Variants in RBM24 observed in about 807,000 individuals in gnomAD.
The protein encoded by RBM24 is RNA-binding protein 24.
A neutral mutation model predicts 23.6 loss-of-function variants in RBM24; 5 were observed. That is an observed-to-expected ratio of 0.21 (90% confidence interval 0.11 to 0.45). The LOEUF (loss-of-function observed/expected upper bound fraction) is 0.45, where lower values mean the gene tolerates loss of function less well. Among genes scored for constraint, RBM24 ranks in the 20% least tolerant of loss-of-function variants. RBM24 has a pLI of 0.99. For synonymous variants in RBM24, 151 were observed against 129.5 expected (o/e 1.17, Z -1.13); for missense variants, 252 against 314.6 (o/e 0.80, Z 1.51).
intron 2 of RBM24, 88 bp downstream of exon 2, chr6:17,283,016 C>T (rs560925936): frequency 4.3e-6 from 4 of 919,950 alleles, no homozygotes; most frequent in African/African-American, 1.6e-5. Flanking sequence ...GACATTGTCT[C>T]TTTCTGTAGA....
rs748840996 is a variant in RBM24, at chr6:17,291,790, G to A, written c.382G>A (p.Val128Met). ...PAHYVYPQAFVQPGVVIPHVQ... is the reference protein window; with the variant it reads ...PAHYVYPQAFMQPGVVIPHVQ... ...CCACTATGTCTATCCGCAGGCTTTT[G>A]TGCAGCCGGGAGTGGTCATTCCACA... The change falls in exon 4 of 4, where the codon GTG (valine) becomes ATG (methionine). Residue 128 changes from valine (V) to methionine (M), a missense_variant. Transcript: ENST00000379052. The A allele has an allele frequency of 2.4e-5, 38 of 1,613,610 alleles. No homozygotes were observed. The highest frequency in any genetic ancestry group is 1.6e-4 in the Middle Eastern group (1 of 6,070).
In RBM24 at chr6:17,284,660, T is replaced by C; in HGVS notation, c.296T>C (p.Phe99Ser). ...ATGTGGTATATTTTGTTGTTAGGTT[T>C]TGCCTTTGGTGTTCAACAACTTCAT... ...GAKPRIMQPG[F>S]AFGVQQLHPA... The change falls in exon 3 of 4, where the codon TTT becomes TCT. Residue 99 changes from phenylalanine (F) to serine (S), a missense_variant. Transcript: ENST00000379052. The C allele has an allele frequency of 6.2e-7, 1 of 1,611,584 alleles. No individual in the cohort carries two copies.
At chr6:17,287,584 T>G (rs1485947097) in intron 3 of RBM24, among the ~76,000 whole-genome samples, 1 of 151,812 alleles carries the variant, frequency 6.6e-6, no homozygotes, top group African/African-American at 2.4e-5. Context: ...GGGTGGATCA[T>G]GAGGTCAGGA....
rs538999344 is a variant in RBM24, at chr6:17,292,030, A to C, written c.622A>C (p.Thr208Pro). 472 of 1,599,624 alleles carry C rather than the reference A, an allele frequency of 3.0e-4. 3 individuals carry two copies. In the South Asian group the frequency reaches 4.9e-3, roughly 17 times the overall value. The change falls in exon 4 of 4, where the codon ACA becomes CCA. Residue 208 changes from threonine to proline, a missense_variant. Thr to Pro is a conservative substitution (Grantham distance 38, BLOSUM62 -1). Coordinates refer to ENST00000379052, the MANE Select transcript of RBM24 (RefSeq NM_001143942.2). Reference protein sequence around the residue: ...QQPITAAAPGTAAAAAAAAAA... With the variant: ...QQPITAAAPGPAAAAAAAAAA... ...GCCAATCACCGCAGCGGCACCTGGGACAGCTGCCGCCGCCGCTGCAGCAGC... is the reference window on the plus strand; with the variant it reads ...GCCAATCACCGCAGCGGCACCTGGGCCAGCTGCCGCCGCCGCTGCAGCAGC...
intron 3 of RBM24, chr6:17,289,314 A>G (rs4716132): frequency 0.17 from 165,073 of 985,050 alleles, 14,526 homozygotes; most frequent in Middle Eastern, 0.25. Flanking sequence ...TAGGCTCTCC[A>G]AGGTCTTTCG....
chr6:17,282,522 G>T (rs1301778289), intron 1 of RBM24: 1 of 518,974 alleles, frequency 1.9e-6, no homozygotes, highest in African/African-American at 1.9e-5. Context: ...ATCTCGGCTA[G>T]GCCCTACTAA....
intron 2 of RBM24, 98 bp downstream of exon 2, chr6:17,283,026 A>G (rs1581428863): frequency 1.2e-6 from 1 of 840,194 alleles, no homozygotes; most frequent in East Asian, 2.6e-5. Context: ...CTTTCTGTAG[A>G]TGTGTTTAGT....
chr6:17,286,187 ATT>A (rs11437494), intron 3 of RBM24, among the ~76,000 whole-genome samples: 17 of 132,658 alleles, frequency 1.3e-4, no homozygotes, highest in Admixed American at 7.7e-5. Context: ...AACTACTACT[ATT>A]TTTTTTTTTT....
intron 2 of RBM24, among the ~76,000 whole-genome samples, chr6:17,284,032 C>T (rs574662779): frequency 2.0e-5 from 3 of 152,252 alleles, no homozygotes; most frequent in South Asian, 4.2e-4. Flanking sequence ...ATCATATACT[C>T]TTCACTCCTA....
chr6:17,282,235 T>C, intron 1 of RBM24: 1 of 1,290,932 alleles, frequency 7.7e-7, no homozygotes, highest in Non-Finnish European at 1.0e-6. Context: ...TTCTTTTAAA[T>C]CATGATCCTA....
Position 17,284,729 on chromosome 6 carries a change from G to T in RBM24, c.347+18G>T, listed in dbSNP as rs371735746. On this transcript the variant is annotated intron_variant, in intron 3 of 3. Transcript: ENST00000379052. ...CCTTTCGGGTAAGTTGATTAATCAG[G>T]CTTTCTTAAGTTTCAGTATGACTAT... 1.9e-6 allele frequency: 3 copies of T among 1,600,024 alleles called. No individual in the cohort carries two copies. Among genetic ancestry groups the T allele is most frequent in the East Asian group, 2.2e-5 (1 of 44,678 alleles).
chr6:17,281,966 G>A lies in RBM24; in HGVS notation c.168+217G>A, dbSNP rs542534651. ...AGAAGACCCAGCGCTGTGCGAGGTCGGGGGCCGGGCAGGGCAGAGCAGGGG... is the reference window on the plus strand; with the variant it reads ...AGAAGACCCAGCGCTGTGCGAGGTCAGGGGCCGGGCAGGGCAGAGCAGGGG... On this transcript the variant is annotated intron_variant, in intron 1 of 3. Coordinates refer to ENST00000379052, the MANE Select transcript of RBM24 (RefSeq NM_001143942.2). This position sits in a 1 kb window ranked among gnomAD's most constrained non-coding sequence, Gnocchi z 7.1. 5.6e-5 allele frequency: 76 copies of A among 1,360,996 alleles called. No individual in the cohort carries two copies. In the African/African-American group the frequency reaches 9.7e-4, roughly 17 times the overall value. The allele number at this position is 1,360,996 out of a possible 1,614,324, so 84.3% of individuals were successfully genotyped here.
rs1760010464 is a variant in RBM24, at chr6:17,281,471, G to A, written c.-111G>A. 3 of 1,002,196 alleles carry A rather than the reference G, an allele frequency of 3.0e-6. No individual in the cohort carries two copies. The highest frequency in any genetic ancestry group is 3.8e-6 in the Non-Finnish European group (3 of 793,394). 62.1% of individuals were successfully genotyped at this position (1,002,196 alleles called of 1,614,324 possible). ...GCCCTCGCCCCCGGGCTCGCCCTTG[G>A]CCCCCGGCGGCCGCGAAAGGGTGCG... is the stretch of plus-strand genomic sequence containing the variant. On this transcript the variant is annotated 5_prime_UTR_variant, in exon 1 of 4. Coordinates refer to ENST00000379052, the MANE Select transcript of RBM24 (RefSeq NM_001143942.2). The surrounding 1 kb of genome is among the most constrained non-coding windows in gnomAD (Gnocchi z 7.1).
chr6:17,282,925 C>G lies in RBM24; in HGVS notation c.289C>G (p.Pro97Ala). ...YLGAKPRIMQ[P>A]GFAFGVQQLH... is the part of the protein sequence containing the mutation. ...AGGAGCAAAACCAAGGATCATGCAA[C>G]CAGGTGAGAAATGTCTGTCTCCCCT... Residue 97 changes from proline to alanine, a missense_variant, in exon 2 of 4, where the codon CCA becomes GCA. Physicochemically the swap from Pro to Ala is conservative, Grantham distance 27. Transcript: ENST00000379052. 6.2e-7 allele frequency: 1 copy of G among 1,613,038 alleles called. No individual in the cohort carries two copies. The highest frequency in any genetic ancestry group is 8.5e-7 in the Non-Finnish European group (1 of 1,179,164).
chr6:17,288,454 A>G, intron 3 of RBM24: 2 of 984,286 alleles, frequency 2.0e-6, no homozygotes, highest in Non-Finnish European at 2.4e-6. Context: ...CTCTCTCCAC[A>G]GATAATTTTA....
Position 17,281,991 on chromosome 6 carries a change from G to T in RBM24, c.168+242G>T. Reference sequence around the variant, plus strand: ...GGGGGCCGGGCAGGGCAGAGCAGGGGTGAAAGGAGAGACCTGTAATGACGG... The same window carrying T: ...GGGGGCCGGGCAGGGCAGAGCAGGGTTGAAAGGAGAGACCTGTAATGACGG... On this transcript the variant is annotated intron_variant, in intron 1 of 3. Transcript: ENST00000379052. The surrounding 1 kb of genome is among the most constrained non-coding windows in gnomAD (Gnocchi z 7.1). 1 of 1,366,704 alleles carries T rather than the reference G, an allele frequency of 7.3e-7. No homozygotes were observed. 84.7% of individuals were successfully genotyped at this position (1,366,704 alleles called of 1,614,324 possible).
intron 3 of RBM24, chr6:17,289,151 A>G (rs770959468): frequency 7.1e-6 from 7 of 985,360 alleles, no homozygotes; most frequent in Non-Finnish European, 8.4e-6. Context: ...GGTTAAGGAA[A>G]CGACATTGGT....
rs1484837759 is a variant in RBM24, at chr6:17,293,054, T to A, written c.*935T>A. The A allele has an allele frequency of 6.6e-6, 1 of 152,246 alleles. No individual in the cohort carries two copies. The highest frequency in any genetic ancestry group is 1.5e-5 in the Non-Finnish European group (1 of 68,052). 9.4% of individuals were successfully genotyped at this position (152,246 alleles called of 1,614,324 possible). A position where few individuals can be genotyped will look rare whatever the true frequency, so the allele number is the denominator to read the frequency against. On this transcript the variant is annotated 3_prime_UTR_variant, in exon 4 of 4. Transcript: ENST00000379052. ...AGAACTGTCTTAAGGACATTTATTT[T>A]TTTTCCCTTTTTAAGTAATTTTACA... is the stretch of plus-strand genomic sequence containing the variant.
In RBM24 at chr6:17,287,763, T is replaced by C. The variant is rs191383471; in HGVS notation, c.347+3052T>C. 3.7e-3 allele frequency among the ~76,000 whole-genome samples: 557 copies of C among 151,864 alleles called. 4 individuals are homozygous for C. Among genetic ancestry groups the C allele is most frequent in the Admixed American group, 3.9e-3 (59 of 15,260 alleles). On this transcript the variant is annotated intron_variant, in intron 3 of 3. Coordinates refer to ENST00000379052, the MANE Select transcript of RBM24 (RefSeq NM_001143942.2). ...GGCGGAGCTTGCAGCGAGCCGAGAT[T>C]GTGCCACTGCACTCCAGCCTGGGCG...
Sources: allele counts gnomAD v4.1 joint callset (sites outside exome capture counted in the v4.1 genomes callset), GRCh38; gene constraint gnomAD v4.1.1; non-coding constraint Gnocchi (gnomAD v3.1); transcripts MANE v1.5; gene names NCBI Gene and HGNC (gene_info 2026-07-23, HGNC 2026-07-21).